Variants in MTA3 observed in about 807,000 individuals in gnomAD.
MTA3 encodes metastasis associated 1 family member 3.
MTA3 carries 34 observed loss-of-function variants against 83.5 expected under a neutral mutation model. That is an observed-to-expected ratio of 0.41 (90% confidence interval 0.31 to 0.54). MTA3 has a LOEUF of 0.54. MTA3 is among the 20% of genes least tolerant of loss of function. The probability of loss-of-function intolerance (pLI) is 0.33; values close to 1 mark genes in which losing one functional copy is unlikely to be tolerated. For missense variants in MTA3, 761 were observed against 726.4 expected (o/e 1.05, Z -0.55); for synonymous variants, 303 against 252.7 (o/e 1.20, Z -1.89).
chr2:42,694,692 G>T (rs1409958652), intron 9 of MTA3, among the ~76,000 whole-genome samples: 1 of 152,178 alleles, frequency 6.6e-6, no homozygotes, highest in Non-Finnish European at 1.5e-5. Context: ...CTTCCTCAAT[G>T]CCTCTTTCAA....
rs1687949999 is a variant in MTA3 at position 42,644,178 on chromosome 2, G to A, written c.433G>A (p.Ala145Thr). The A allele has an allele frequency of 1.2e-6, 2 of 1,612,794 alleles. No individual in the cohort carries two copies. The highest frequency in any genetic ancestry group is 1.3e-5 in the African/African-American group (1 of 74,814). The change falls in exon 6 of 17, where the codon GCT becomes ACT. Residue 145 changes from alanine to threonine, a missense_variant. Physicochemically the swap from Ala to Thr is moderately conservative, Grantham distance 58. Transcript: ENST00000405094. ...TGACCCCTCATTGAAAACACTATTA[G>A]CTGACAAAGGTGAAATCAGAGTGGG... is the stretch of plus-strand genomic sequence containing the variant. ...VYDPSLKTLLADKGEIRVGPR... is the reference protein window; with the variant it reads ...VYDPSLKTLLTDKGEIRVGPR...
chr2:42,538,150 G>A (rs964719661), intron 2 of MTA3, among the ~76,000 whole-genome samples: 15 of 151,860 alleles, frequency 9.9e-5, no homozygotes, highest in African/African-American at 1.9e-4. Flanking sequence ...GGAGAATGGC[G>A]TGAACCCGGG....
At chr2:42,726,739 C>T (rs1558624010) in intron 16 of MTA3, among the ~76,000 whole-genome samples, 7 of 152,172 alleles carry the variant, frequency 4.6e-5, no homozygotes, top group Admixed American at 3.9e-4. Flanking sequence ...CTGAAAATCA[C>T]GGTCTTTCCT....
intron 9 of MTA3, among the ~76,000 whole-genome samples, chr2:42,684,916 T>G (rs1041371693): frequency 2.0e-5 from 3 of 152,200 alleles, no homozygotes; most frequent in Non-Finnish European, 4.4e-5. Context: ...AAAATATAAT[T>G]AATTACTTCT....
At chr2:42,563,420 T>A (rs1211483717) in intron 2 of MTA3, among the ~76,000 whole-genome samples, 2 of 152,170 alleles carry the variant, frequency 1.3e-5, no homozygotes, top group African/African-American at 4.8e-5. Context: ...TCGCCTGCCT[T>A]AGCTTCCCAA....
chr2:42,510,669 A>G (rs948078285), intron 2 of MTA3, among the ~76,000 whole-genome samples: 1 of 152,162 alleles, frequency 6.6e-6, no homozygotes, highest in Admixed American at 6.6e-5. Context: ...AAAAATGTAG[A>G]GGGCTGTTGC....
chr2:42,653,560 T>C (rs1394281828), intron 6 of MTA3, among the ~76,000 whole-genome samples: 2 of 152,206 alleles, frequency 1.3e-5, no homozygotes, highest in Admixed American at 1.3e-4. Flanking sequence ...TTTGAAATGA[T>C]CGTTTGATAT....
chr2:42,583,605 C>G (rs1230310409), intron 3 of MTA3, among the ~76,000 whole-genome samples: 3 of 151,586 alleles, frequency 2.0e-5, no homozygotes, highest in African/African-American at 7.3e-5. Flanking sequence ...ACAATCTTGT[C>G]TCACTGCAGC....
chr2:42,606,653 A>G (rs1339538755), intron 3 of MTA3, among the ~76,000 whole-genome samples: 1 of 149,742 alleles, frequency 6.7e-6, no homozygotes, highest in South Asian at 2.1e-4. Context: ...CCAGGCAGAG[A>G]CACTCCTCAC....
At chr2:42,525,066 T>C (rs1453056259) in intron 2 of MTA3, among the ~76,000 whole-genome samples, 2 of 151,528 alleles carry the variant, frequency 1.3e-5, no homozygotes, top group Non-Finnish European at 2.9e-5. Flanking sequence ...CATTAACTCA[T>C]CCTTTAGCGT....
At chr2:42,585,621 T>G (rs1680186992) in intron 3 of MTA3, among the ~76,000 whole-genome samples, 1 of 151,912 alleles carries the variant, frequency 6.6e-6, no homozygotes. Context: ...ACTACAGATG[T>G]GTGCCACCAC....
chr2:42,602,348 A>G (rs1015687279), intron 3 of MTA3, among the ~76,000 whole-genome samples: 2 of 152,154 alleles, frequency 1.3e-5, no homozygotes, highest in African/African-American at 4.8e-5. Context: ...TAAAGCTCCT[A>G]TGAACATTCA....
chr2:42,524,487 T>TTG (rs1675586747), intron 2 of MTA3, among the ~76,000 whole-genome samples: 4 of 146,770 alleles, frequency 2.7e-5, no homozygotes, highest in African/African-American at 7.5e-5. Flanking sequence ...TTTTTTTTTT[T>TTG]TTTTTTTTTG....
upstream of MTA3, among the ~76,000 whole-genome samples, chr2:42,565,016 T>G (rs1677845568): frequency 6.6e-6 from 1 of 152,112 alleles, no homozygotes; most frequent in African/African-American, 2.4e-5. Context: ...GACCTCATGA[T>G]CCGCCGGCCT....
At chr2:42,636,945 A>G (rs1014313769) in intron 4 of MTA3, among the ~76,000 whole-genome samples, 1 of 152,124 alleles carries the variant, frequency 6.6e-6, no homozygotes, top group Non-Finnish European at 1.5e-5. Context: ...ATTTATACAA[A>G]TATGTACTAG....
chr2:42,655,676 C>T (rs62142747), intron 6 of MTA3, among the ~76,000 whole-genome samples: 3 of 152,212 alleles, frequency 2.0e-5, no homozygotes, highest in African/African-American at 4.8e-5. Flanking sequence ...AATCTCAGCT[C>T]ACTGCAACCT....
intron 3 of MTA3, among the ~76,000 whole-genome samples, chr2:42,594,728 A>ATTTTTTTTTTTT (rs1211133796): frequency 4.6e-4 from 11 of 24,042 alleles, no homozygotes; most frequent in African/African-American, 8.9e-4. Flanking sequence ...ATATATATAT[A>ATTTTTTTTTTTT]TTTTTTTTTT....
intron 2 of MTA3, among the ~76,000 whole-genome samples, chr2:42,523,609 T>A (rs542714150): frequency 6.6e-6 from 1 of 152,204 alleles, no homozygotes; most frequent in African/African-American, 2.4e-5. Context: ...ATTCTGAAAT[T>A]CTCTTTGAAA....
intron 2 of MTA3, among the ~76,000 whole-genome samples, chr2:42,536,676 G>A (rs573757524): frequency 4.6e-5 from 7 of 151,986 alleles, no homozygotes; most frequent in South Asian, 2.1e-4. Context: ...TGGCTAACAC[G>A]GTGAAACCCC....
Sources: gnomAD v4.1 joint callset for allele counts (sites outside exome capture counted in the v4.1 genomes callset) on GRCh38, gnomAD v4.1.1 for gene constraint, MANE v1.5 for transcripts, NCBI Gene and HGNC (gene_info 2026-07-23, HGNC 2026-07-21) for gene names.